CHID1: variants seen among roughly 807,000 people sequenced by gnomAD.
CHID1 encodes chitinase domain containing 1.
CHID1 carries 44 observed loss-of-function variants against 55.4 expected under a neutral mutation model. The observed-to-expected ratio is 0.79, with a 90% confidence interval of 0.62 to 1.02. CHID1 has a LOEUF of 1.02. CHID1 is among the 50% of genes least tolerant of loss of function. The probability of loss-of-function intolerance (pLI) is 0.00; values close to 1 mark genes in which losing one functional copy is unlikely to be tolerated. For synonymous variants in CHID1, 216 were observed against 212.9 expected, an observed-to-expected ratio of 1.01 and a Z score of -0.13; for missense variants, 491 against 515.3, an observed-to-expected ratio of 0.95 and a Z score of 0.46.
At chr11:882,126 A>G (rs778372446) in intron 10 of CHID1, among the ~76,000 whole-genome samples, 1 of 152,268 alleles carries the variant, frequency 6.6e-6, no homozygotes, top group East Asian at 1.9e-4. Context: ...GGAGATCGAG[A>G]CCATCCTGGC....
chr11:903,002 TC>T lies in CHID1; in HGVS notation c.220del (p.Asp74ThrfsTer40). ...HRSYCSAKAR[D>X]RHFAGDVLGY... ...CAGTACATCCCCAGCAAAGTGTCTG[TC>T]CCGGGCCTTTGCCGAGCAGTAGCTG... On this transcript the variant is annotated frameshift_variant, in exon 3 of 13. Transcript: ENST00000323578. LOFTEE classifies it high-confidence loss of function. 2 of 1,614,022 alleles carry T rather than the reference TC, an allele frequency of 1.2e-6. No homozygotes were observed. Among genetic ancestry groups the T allele is most frequent in the Admixed American group, 3.3e-5 (2 of 60,024 alleles).
At chr11:898,712 C>T (rs1183541548) in intron 7 of CHID1, among the ~76,000 whole-genome samples, 1 of 152,208 alleles carries the variant, frequency 6.6e-6, no homozygotes, top group Non-Finnish European at 1.5e-5. Flanking sequence ...GGAGCCATGG[C>T]ACTTCCTATC....
chr11:914,658 G>T, upstream of CHID1: 1 of 879,668 alleles, frequency 1.1e-6, no homozygotes. Flanking sequence ...AGGACATCAA[G>T]GCTGCAGTGA....
chr11:883,246 C>T lies in CHID1; in HGVS notation c.861G>A (p.Pro287=), dbSNP rs201573024. The T allele has an allele frequency of 3.7e-4, 603 of 1,614,136 alleles. 5 individuals are homozygous for T. In the South Asian group the frequency reaches 5.2e-3, roughly 14 times the overall value. The change falls in exon 10 of 13, where the codon CCG becomes CCA. Residue 287 remains proline, a synonymous_variant. Transcript: ENST00000323578. ...WVRACVQVLD[P]KSKWRSKILL... is the part of the protein sequence containing the mutation. ...GGATTTTGCTTCGCCACTTGGACTT[C>T]GGGTCCAGGACCTGGACGCAGGCTC... is the stretch of plus-strand genomic sequence containing the variant.
intron 6 of CHID1, 77 bp from the exon 7 acceptor site, chr11:899,478 T>A: frequency 7.4e-7 from 1 of 1,356,032 alleles, no homozygotes. Flanking sequence ...GCCCGCCACC[T>A]CGGCCCACAT....
At chr11:887,531 G>A (rs956177085) in intron 8 of CHID1, among the ~76,000 whole-genome samples, 4 of 152,158 alleles carry the variant, frequency 2.6e-5, no homozygotes, top group East Asian at 3.9e-4. Context: ...CGTGCTCCAC[G>A]GTTCTGCTTC....
rs2134125953 is a variant in CHID1, at chr11:875,705, T to C, written c.960-5206A>G. 1.3e-5 allele frequency among the ~76,000 whole-genome samples: 2 copies of C among 152,230 alleles called. No individual in the cohort carries two copies. The highest frequency in any genetic ancestry group is 6.5e-5 in the Admixed American group (1 of 15,288). On this transcript the variant is annotated intron_variant, in intron 10 of 12. Transcript: ENST00000323578. This position sits in a 1 kb window ranked among gnomAD's most constrained non-coding sequence, Gnocchi z 4.7. ...TATGCACTTCTATGCTTGAAGATTC[T>C]CACAGTAAAAGATTCACAAGACAGA...
rs1185099625 is a variant in CHID1 at position 868,514 on chromosome 11, A to C, written c.*1344T>G. The C allele has an allele frequency of 1.3e-5, 2 of 151,798 alleles. No homozygotes were observed. The highest frequency in any genetic ancestry group is 2.9e-5 in the Non-Finnish European group (2 of 67,956). The allele number at this position is 151,798 out of a possible 1,614,324, so 9.4% of individuals were successfully genotyped here. ...ACAGGCATGAACCGCCGCACACACCACTTGTATCTCCTATGCCCGTGTCAA... is the reference window on the plus strand; with the variant it reads ...ACAGGCATGAACCGCCGCACACACCCCTTGTATCTCCTATGCCCGTGTCAA... On this transcript the variant is annotated 3_prime_UTR_variant, in exon 13 of 13. Coordinates refer to ENST00000323578, the MANE Select transcript of CHID1 (RefSeq NM_023947.4).
chr11:875,940 G>A lies in CHID1; in HGVS notation c.960-5441C>T, dbSNP rs1301704775. On this transcript the variant is annotated intron_variant, in intron 10 of 12. Transcript: ENST00000323578. This position sits in a 1 kb window ranked among gnomAD's most constrained non-coding sequence, Gnocchi z 4.7. ...CGAGGAGGCTGGGACTGGATGACTG[G>A]CTGGTGTGGGTGGCAGGCGCCGCAT... is the stretch of plus-strand genomic sequence containing the variant. 6.6e-6 allele frequency among the ~76,000 whole-genome samples: 1 copy of A among 152,162 alleles called. No homozygotes were observed. Among genetic ancestry groups the A allele is most frequent in the Admixed American group, 6.5e-5 (1 of 15,274 alleles).
chr11:893,590 C>T (rs1851015576), intron 7 of CHID1, 71 bp from the exon 8 acceptor site: 2 of 1,262,562 alleles, frequency 1.6e-6, no homozygotes, highest in Non-Finnish European at 2.2e-6. Flanking sequence ...GTGACACCCG[C>T]TGCCTCAGGG....
intron 1 of CHID1, among the ~76,000 whole-genome samples, chr11:905,761 T>C (rs888275661): frequency 6.6e-6 from 1 of 152,038 alleles, no homozygotes. Context: ...GGAGAAAATA[T>C]AGCTACCTAT....
chr11:901,502 G>A (rs1851807491), intron 4 of CHID1, among the ~76,000 whole-genome samples: 1 of 152,208 alleles, frequency 6.6e-6, no homozygotes, highest in African/African-American at 2.4e-5. Flanking sequence ...AACTCGGGCA[G>A]ACGTCATCAG....
intron 4 of CHID1, among the ~76,000 whole-genome samples, chr11:901,474 G>A (rs562560923): frequency 1.2e-4 from 19 of 152,294 alleles, no homozygotes; most frequent in Admixed American, 5.9e-4. Flanking sequence ...GAGCCCAAAC[G>A]CAAGGCGCAG....
At chr11:903,535 C>T in intron 2 of CHID1, 1 of 218,352 alleles carries the variant, frequency 4.6e-6, no homozygotes, top group South Asian at 6.2e-5. Flanking sequence ...AATCCCAGAA[C>T]TTTGGGAGGC....
At chr11:870,375 C>T in intron 11 of CHID1, 44 bp downstream of exon 11, 1 of 1,529,454 alleles carries the variant, frequency 6.5e-7, no homozygotes. Flanking sequence ...GGGCCCCTCC[C>T]TGCACACAAG....
intron 1 of CHID1, 67 bp from the exon 2 acceptor site, chr11:904,926 C>T: frequency 6.5e-7 from 1 of 1,530,032 alleles, no homozygotes; most frequent in African/African-American, 1.4e-5. Context: ...AACCCCTCTG[C>T]TGATGGGGCC....
intron 7 of CHID1, 62 bp from the exon 8 acceptor site, chr11:893,581 T>C (rs1851013760): frequency 1.5e-6 from 2 of 1,305,602 alleles, no homozygotes; most frequent in Admixed American, 2.2e-5. Context: ...CAGGGTTCTG[T>C]GACACCCGCT....
rs370065712 is a variant in CHID1, at chr11:892,394, G to A, written c.701+1033C>T. Reference sequence around the variant, plus strand: ...CTCGGCCTGGGACAGGACCCCCAACGCCTGGTCACAGGCAGAGGGAGTTCT... The same window carrying A: ...CTCGGCCTGGGACAGGACCCCCAACACCTGGTCACAGGCAGAGGGAGTTCT... On this transcript the variant is annotated intron_variant, in intron 8 of 12. Transcript: ENST00000323578. Among the ~76,000 whole-genome samples, 17 of 152,332 alleles carry A rather than the reference G, an allele frequency of 1.1e-4. No homozygotes were observed. The East Asian group carries it at 1.5e-3, about 14-fold the overall frequency.
intron 1 of CHID1, chr11:910,570 G>C: frequency 8.8e-7 from 1 of 1,142,104 alleles, no homozygotes; most frequent in Non-Finnish European, 1.1e-6. Flanking sequence ...CGCTCTCATA[G>C]CAACCCTCTC....
Sources: allele counts gnomAD v4.1 joint callset (sites outside exome capture counted in the v4.1 genomes callset), GRCh38; gene constraint gnomAD v4.1.1; non-coding constraint Gnocchi (gnomAD v3.1); transcripts MANE v1.5; gene names NCBI Gene and HGNC (gene_info 2026-07-23, HGNC 2026-07-21).